Variants in HPSE2 observed in about 807,000 individuals in gnomAD.
HPSE2 encodes inactive heparanase-2.
HPSE2 carries 38 observed loss-of-function variants against 60.5 expected under a neutral mutation model. That is an observed-to-expected ratio of 0.63 (90% CI 0.48 to 0.82). The LOEUF (loss-of-function observed/expected upper bound fraction) is 0.82. HPSE2 is among the 40% of genes least tolerant of loss of function. The pLI, the probability that HPSE2 is intolerant of heterozygous loss-of-function variation, is 0.00. For missense variants in HPSE2, 713 were observed against 740.4 expected, an observed-to-expected ratio of 0.96 and a Z score of 0.43; for synonymous variants, 295 against 293.2, an observed-to-expected ratio of 1.01 and a Z score of -0.06.
chr10:98,796,911 T>C (rs2134506557), intron 3 of HPSE2, among the ~76,000 whole-genome samples: 1 of 152,282 alleles, frequency 6.6e-6, no homozygotes, highest in South Asian at 2.1e-4. Flanking sequence ...CTTCAAAATC[T>C]TATCCAAGAC....
chr10:98,730,335 A>C (rs1949196496), intron 4 of HPSE2, among the ~76,000 whole-genome samples: 1 of 152,146 alleles, frequency 6.6e-6, no homozygotes, highest in African/African-American at 2.4e-5. Flanking sequence ...GCAATGCTTT[A>C]GGGGGAAATT....
chr10:98,664,286 C>T (rs1420127627), intron 6 of HPSE2, among the ~76,000 whole-genome samples: 1 of 152,128 alleles, frequency 6.6e-6, no homozygotes, highest in Non-Finnish European at 1.5e-5. Flanking sequence ...CACCCACCCC[C>T]ACTGCCCAAG....
chr10:98,976,219 A>G (rs1956081279), intron 3 of HPSE2, among the ~76,000 whole-genome samples: 1 of 152,082 alleles, frequency 6.6e-6, no homozygotes, highest in African/African-American at 2.4e-5. Flanking sequence ...GAGACTATAC[A>G]TATATATATT....
At chr10:98,598,996 G>A (rs1037673363) in intron 9 of HPSE2, among the ~76,000 whole-genome samples, 2 of 151,578 alleles carry the variant, frequency 1.3e-5, no homozygotes, top group African/African-American at 2.4e-5. Flanking sequence ...GGCCATGGGG[G>A]CCATCATGGA....
At chr10:98,984,414 G>A (rs1304480095) in intron 3 of HPSE2, among the ~76,000 whole-genome samples, 6 of 152,194 alleles carry the variant, frequency 3.9e-5, no homozygotes, top group Non-Finnish European at 4.4e-5. Context: ...AACTCCAACA[G>A]AACTGCAGCT....
intron 6 of HPSE2, among the ~76,000 whole-genome samples, chr10:98,678,719 C>T (rs1028272618): frequency 6.6e-6 from 1 of 151,706 alleles, no homozygotes; most frequent in African/African-American, 2.4e-5. Context: ...GGGAGCTAGG[C>T]ACTGGGAACA....
At chr10:99,103,686 AG>A (rs1419015085) in intron 3 of HPSE2, among the ~76,000 whole-genome samples, 2 of 152,210 alleles carry the variant, frequency 1.3e-5, no homozygotes, top group Non-Finnish European at 2.9e-5. Flanking sequence ...GACAATCCTA[AG>A]CCAAAAGAAC....
At chr10:98,916,965 T>C (rs1197629777) in intron 3 of HPSE2, among the ~76,000 whole-genome samples, 3 of 152,178 alleles carry the variant, frequency 2.0e-5, no homozygotes, top group Non-Finnish European at 4.4e-5. Flanking sequence ...GAGGCTGCTA[T>C]TGGTCTGACT....
intron 3 of HPSE2, among the ~76,000 whole-genome samples, chr10:99,136,508 C>T (rs1589714416): frequency 6.6e-6 from 1 of 152,088 alleles, no homozygotes; most frequent in Non-Finnish European, 1.5e-5. Context: ...ACTGGCAAAC[C>T]GAATCCAGCA....
At chr10:98,517,260 A>T (rs1249122835) in intron 9 of HPSE2, among the ~76,000 whole-genome samples, 6 of 152,024 alleles carry the variant, frequency 3.9e-5, no homozygotes, top group Non-Finnish European at 8.8e-5. Context: ...GTCCTGTCCT[A>T]TGTCAGTAGC....
At chr10:99,175,442 T>G (rs1847487071) in intron 2 of HPSE2, among the ~76,000 whole-genome samples, 1 of 152,136 alleles carries the variant, frequency 6.6e-6, no homozygotes, top group South Asian at 2.1e-4. Context: ...GGGAGAGGGG[T>G]GTCCACCACT....
chr10:98,727,063 G>A (rs1318048351), intron 4 of HPSE2, among the ~76,000 whole-genome samples: 3 of 148,044 alleles, frequency 2.0e-5, no homozygotes, highest in Non-Finnish European at 2.9e-5. Context: ...CAGGAGACTT[G>A]TCTTAACAAT....
At chr10:99,067,170 T>C (rs980814923) in intron 3 of HPSE2, among the ~76,000 whole-genome samples, 2 of 152,242 alleles carry the variant, frequency 1.3e-5, no homozygotes. Context: ...TGGGCAGCTC[T>C]GTCCTTGTGG....
chr10:99,062,174 A>G (rs965487251), intron 3 of HPSE2, among the ~76,000 whole-genome samples: 1 of 152,202 alleles, frequency 6.6e-6, no homozygotes, highest in Non-Finnish European at 1.5e-5. Flanking sequence ...TAAACTATGC[A>G]TAGTGTTCTC....
At chr10:99,118,934 G>A (rs776143010) in intron 3 of HPSE2, among the ~76,000 whole-genome samples, 4 of 151,416 alleles carry the variant, frequency 2.6e-5, no homozygotes, top group Non-Finnish European at 5.9e-5. Context: ...GAGACTCACT[G>A]GAACCTGGGA....
At chr10:99,155,633 T>A (rs1478129051) in intron 2 of HPSE2, among the ~76,000 whole-genome samples, 3 of 144,294 alleles carry the variant, frequency 2.1e-5, no homozygotes, top group Non-Finnish European at 4.6e-5. Flanking sequence ...TAGCACTAAA[T>A]GCCCACAAGA....
At chr10:99,208,384 A>T (rs1026379713) in intron 2 of HPSE2, among the ~76,000 whole-genome samples, 1 of 152,168 alleles carries the variant, frequency 6.6e-6, no homozygotes, top group Non-Finnish European at 1.5e-5. Context: ...TACATTGTCC[A>T]TTCAAAAGGC....
the HPSE2 span, among the ~76,000 whole-genome samples, chr10:99,312,555 AACT>A: frequency 6.6e-6 from 1 of 152,228 alleles, no homozygotes; most frequent in Non-Finnish European, 1.5e-5. Flanking sequence ...CATCGTTGAG[AACT>A]ACTGCTCAGA....
chr10:98,993,302 C>T (rs769988960), intron 3 of HPSE2, among the ~76,000 whole-genome samples: 1 of 152,188 alleles, frequency 6.6e-6, no homozygotes, highest in African/African-American at 2.4e-5. Flanking sequence ...CATAAACATA[C>T]AATTTCATAT....
Sources: allele counts gnomAD v4.1 joint callset (sites outside exome capture counted in the v4.1 genomes callset), GRCh38; gene constraint gnomAD v4.1.1; transcripts MANE v1.5; gene names NCBI Gene and HGNC (gene_info 2026-07-23, HGNC 2026-07-21).